CDK6: variants seen among roughly 807,000 people sequenced by gnomAD.
CDK6 encodes the protein cyclin-dependent kinase 6.
Under a neutral mutation model 37.1 loss-of-function variants are expected in CDK6, and 6 were observed. The ratio of observed to expected loss-of-function variants is 0.16; its 90% CI spans 0.09 to 0.32. The LOEUF (loss-of-function observed/expected upper bound fraction) is 0.32. Among genes scored for constraint, CDK6 ranks in the 10% least tolerant of loss-of-function variants. CDK6 has a pLI of 1.00. For synonymous variants in CDK6, 160 were observed against 161.3 expected (o/e 0.99, Z 0.06); for missense variants, 224 against 418.9 (o/e 0.53, Z 4.06).
In CDK6 at chr7:92,724,921, G is replaced by A; in HGVS notation, c.537+705C>T. The A allele has an allele frequency of 4.0e-6, 3 of 741,810 alleles. No individual in the cohort carries two copies. The South Asian group carries it at 1.8e-4, about 45-fold the overall frequency. The allele number at this position is 741,810 out of a possible 1,614,324, so 46.0% of individuals were successfully genotyped here. ...CTGCTCTTTTTGTATTTGGGGTGCAGAATTTCACAAAAATCCATCTGAGAA... is the reference window on the plus strand; with the variant it reads ...CTGCTCTTTTTGTATTTGGGGTGCAAAATTTCACAAAAATCCATCTGAGAA... On this transcript the variant is annotated intron_variant, in intron 4 of 7. Coordinates refer to ENST00000424848, the MANE Select transcript of CDK6 (RefSeq NM_001145306.2).
rs541343745 is a variant in CDK6, at chr7:92,681,764, C to T, written c.538-10229G>A. 4.6e-5 allele frequency among the ~76,000 whole-genome samples: 7 copies of T among 152,198 alleles called. No homozygotes were observed. In the East Asian group the frequency reaches 5.8e-4, roughly 13 times the overall value. ...TTTTAAATTATTGCTTAATCTAAGG[C>T]GACATCCTCAGGCAGTCACTTTTCT... On this transcript the variant is annotated intron_variant, in intron 4 of 7. Transcript: ENST00000424848.
intron 4 of CDK6, among the ~76,000 whole-genome samples, chr7:92,723,257 T>C (rs1732366894): frequency 1.3e-5 from 2 of 152,182 alleles, no homozygotes; most frequent in African/African-American, 4.8e-5. Context: ...AAGGGGATAC[T>C]AGAAAGGGTA....
chr7:92,792,936 T>A (rs1198438394), intron 2 of CDK6, among the ~76,000 whole-genome samples: 1 of 151,554 alleles, frequency 6.6e-6, no homozygotes, highest in East Asian at 1.9e-4. Context: ...CCTAGATGAA[T>A]CAGAGAGGTG....
intron 3 of CDK6, among the ~76,000 whole-genome samples, chr7:92,745,638 G>A (rs2282992): frequency 6.6e-6 from 1 of 152,096 alleles, no homozygotes; most frequent in East Asian, 1.9e-4. Flanking sequence ...ATCTTCACAG[G>A]ATATGATAAA....
chr7:92,625,916 A>T (rs1795918682), intron 5 of CDK6, among the ~76,000 whole-genome samples: 1 of 152,126 alleles, frequency 6.6e-6, no homozygotes, highest in South Asian at 2.1e-4. Context: ...TTTGACCTGC[A>T]GCTATGCTTT....
intron 4 of CDK6, among the ~76,000 whole-genome samples, chr7:92,689,906 T>G (rs1320642491): frequency 6.6e-6 from 1 of 152,250 alleles, no homozygotes; most frequent in Admixed American, 6.5e-5. Context: ...TTTTCGTGAT[T>G]GTTGGCTGCA....
intron 2 of CDK6, among the ~76,000 whole-genome samples, chr7:92,814,564 A>AT (rs1273876132): frequency 6.6e-6 from 1 of 151,828 alleles, no homozygotes; most frequent in Non-Finnish European, 1.5e-5. Context: ...GCAAAAAAAA[A>AT]AAAAAAAAAA....
At chr7:92,763,722 C>T (rs148114328) in intron 3 of CDK6, among the ~76,000 whole-genome samples, 229 of 152,302 alleles carry the variant, frequency 1.5e-3, no homozygotes, top group African/African-American at 5.4e-3. Flanking sequence ...TACCAATGCA[C>T]AGGCAAGCAA....
intron 3 of CDK6, among the ~76,000 whole-genome samples, chr7:92,745,331 G>A (rs777883375): frequency 6.6e-6 from 1 of 152,178 alleles, no homozygotes; most frequent in African/African-American, 2.4e-5. Flanking sequence ...TTTCTACTCA[G>A]AGTTGTTAGA....
intron 2 of CDK6, among the ~76,000 whole-genome samples, chr7:92,789,662 C>A (rs1800234568): frequency 6.6e-6 from 1 of 152,152 alleles, no homozygotes; most frequent in Admixed American, 6.5e-5. Context: ...CTGCTCATAT[C>A]TTGAGGAACA....
chr7:92,789,097 G>T (rs1359878230), intron 2 of CDK6, among the ~76,000 whole-genome samples: 1 of 152,126 alleles, frequency 6.6e-6, no homozygotes, highest in Non-Finnish European at 1.5e-5. Context: ...CTGCACTCTA[G>T]CCTGGATGTA....
intron 6 of CDK6, 62 bp downstream of exon 6, chr7:92,622,974 G>T: frequency 1.0e-6 from 1 of 1,003,512 alleles, no homozygotes; most frequent in Non-Finnish European, 1.5e-6. Flanking sequence ...CATGTCAGAG[G>T]AAAGTCACTG....
intron 2 of CDK6, among the ~76,000 whole-genome samples, chr7:92,800,492 C>T (rs1045872189): frequency 3.9e-5 from 6 of 152,244 alleles, no homozygotes; most frequent in Admixed American, 2.0e-4. Flanking sequence ...TGAATGGTCA[C>T]GATAGCTTTA....
At chr7:92,805,138 C>T (rs1800692003) in intron 2 of CDK6, among the ~76,000 whole-genome samples, 1 of 152,140 alleles carries the variant, frequency 6.6e-6, no homozygotes, top group African/African-American at 2.4e-5. Context: ...AGCCTATGCC[C>T]TTAAAGTAGG....
chr7:92,774,454 T>G (rs1180278891), intron 3 of CDK6, among the ~76,000 whole-genome samples: 1 of 151,580 alleles, frequency 6.6e-6, no homozygotes, highest in Admixed American at 6.6e-5. Context: ...GAACTAAAGG[T>G]TTTTTTTTCC....
chr7:92,615,775 G>A (rs1795662433), intron 7 of CDK6, among the ~76,000 whole-genome samples: 1 of 152,174 alleles, frequency 6.6e-6, no homozygotes, highest in African/African-American at 2.4e-5. Flanking sequence ...CTCAAGTGTA[G>A]GGCTACCAAG....
At chr7:92,765,665 G>T (rs1232394115) in intron 3 of CDK6, among the ~76,000 whole-genome samples, 1 of 152,140 alleles carries the variant, frequency 6.6e-6, no homozygotes, top group African/African-American at 2.4e-5. Context: ...GTTTACTGAG[G>T]ATCCCCTATG....
intron 4 of CDK6, among the ~76,000 whole-genome samples, chr7:92,679,673 A>T (rs1797287125): frequency 6.6e-6 from 1 of 152,168 alleles, no homozygotes. Flanking sequence ...GTGAAGTGAA[A>T]ATCAAAACTA....
At chr7:92,649,003 T>A (rs1247526956) in intron 5 of CDK6, among the ~76,000 whole-genome samples, 2 of 152,046 alleles carry the variant, frequency 1.3e-5, no homozygotes, top group Non-Finnish European at 2.9e-5. Flanking sequence ...CCAAGCTGGA[T>A]GTGAAGAACA....
Sources: allele counts gnomAD v4.1 joint callset (sites outside exome capture counted in the v4.1 genomes callset), GRCh38; gene constraint gnomAD v4.1.1; transcripts MANE v1.5; gene names NCBI Gene and HGNC (gene_info 2026-07-23, HGNC 2026-07-21).